ANKRD54: variants seen among roughly 807,000 people sequenced by gnomAD.
ANKRD54 encodes ankyrin repeat domain-containing protein 54.
A neutral mutation model predicts 36.2 loss-of-function variants in ANKRD54; 26 were observed. The ratio of observed to expected loss-of-function variants is 0.72; its 90% CI spans 0.53 to 1.00. The LOEUF is 1.00. Ranked by LOEUF, ANKRD54 falls within the 50% of genes least tolerant of loss-of-function variation. The probability of loss-of-function intolerance (pLI) is 0.00; values close to 1 mark genes in which losing one functional copy is unlikely to be tolerated. For synonymous variants in ANKRD54, 209 were observed against 188.4 expected, an observed-to-expected ratio of 1.11 and a Z score of -0.89; for missense variants, 384 against 424.3, an observed-to-expected ratio of 0.91 and a Z score of 0.83.
At chr22:37,846,657 G>A (rs1329909197), upstream of ANKRD54, among the ~76,000 whole-genome samples, 1 of 151,810 alleles carries the variant, frequency 6.6e-6, no homozygotes, top group Non-Finnish European at 1.5e-5. Flanking sequence ...CTGATCTTGA[G>A]CTCCTGAGCT....
upstream of ANKRD54, among the ~76,000 whole-genome samples, chr22:37,847,060 A>G (rs1924877365): frequency 6.7e-6 from 1 of 148,840 alleles, no homozygotes; most frequent in African/African-American, 2.5e-5. Context: ...TCACCATTTT[A>G]GCCGGGATGG....
At chr22:37,837,602 G>A (rs1460971851) in intron 3 of ANKRD54, among the ~76,000 whole-genome samples, 1 of 152,220 alleles carries the variant, frequency 6.6e-6, no homozygotes, top group Non-Finnish European at 1.5e-5. Flanking sequence ...TGGTATCTGA[G>A]TGGGGTCCTG....
Position 37,838,580 on chromosome 22 carries a change from T to C in ANKRD54, c.395A>G (p.Asp132Gly). Reference sequence around the variant, plus strand: ...ATCAGCTGCACAGGGATCCGCGCCATCTTCCAGCAGCTGCTGCACTGACAC... The same window carrying C: ...ATCAGCTGCACAGGGATCCGCGCCACCTTCCAGCAGCTGCTGCACTGACAC... ...DVETVQQLLEDGADPCAADDK... is the reference protein window; with the variant it reads ...DVETVQQLLEGGADPCAADDK... The change falls in exon 3 of 8, where the codon GAT becomes GGT. Residue 132 changes from aspartate (D) to glycine (G), a missense_variant. This residue lies in a region of ANKRD54 where 179 missense variants were observed against 224.0 expected (regional missense o/e 0.80). Coordinates refer to ENST00000215941, the MANE Select transcript of ANKRD54 (RefSeq NM_138797.4). 6.2e-7 allele frequency: 1 copy of C among 1,610,722 alleles called. No homozygotes were observed. Among genetic ancestry groups the C allele is most frequent in the Non-Finnish European group, 8.5e-7 (1 of 1,179,062 alleles).
chr22:37,846,903 G>C (rs1924869326), upstream of ANKRD54, among the ~76,000 whole-genome samples: 1 of 147,202 alleles, frequency 6.8e-6, no homozygotes. Context: ...GCCCAGGCTG[G>C]AGTGCAGTGG....
Position 37,832,984 on chromosome 22 carries a change from C to G in ANKRD54, c.694G>C (p.Glu232Gln). ...ILQEGHAQCL[E>Q]AVRLEVKQII... ...TGCTTCACCTCCAGACGCACAGCCTCTAGGCACTGGGCATGGCCCTCCTGC... is the reference window on the plus strand; with the variant it reads ...TGCTTCACCTCCAGACGCACAGCCTGTAGGCACTGGGCATGGCCCTCCTGC... The change falls in exon 6 of 8, where the codon GAG becomes CAG. Residue 232 changes from glutamate (E) to glutamine (Q), a missense_variant. Physicochemically the swap from Glu to Gln is conservative, Grantham distance 29. Transcript: ENST00000215941. The G allele has an allele frequency of 1.2e-6, 2 of 1,614,022 alleles. No individual in the cohort carries two copies. Among genetic ancestry groups the G allele is most frequent in the Non-Finnish European group, 1.7e-6 (2 of 1,180,026 alleles).
At chr22:37,849,116 AG>A (rs1452728604), upstream of ANKRD54, 26 of 438,484 alleles carry the variant, frequency 5.9e-5, no homozygotes, top group Middle Eastern at 1.2e-3. Context: ...CCTCCCGAGT[AG>A]CTGGAATTAC....
chr22:37,833,272 G>A (rs1923126736), intron 4 of ANKRD54, 66 bp from the exon 5 acceptor site: 1 of 1,585,948 alleles, frequency 6.3e-7, no homozygotes, highest in Non-Finnish European at 8.6e-7. Flanking sequence ...GTGGCCACTG[G>A]AGGGAGCAGG....
Position 37,844,067 on chromosome 22 carries a change from A to G in ANKRD54, c.172T>C (p.Ser58Pro). ...GGGAGLSGRA[S>P]GGAQSPLRYL... is the part of the protein sequence containing the mutation. The stretch of plus-strand genomic sequence containing the variant: ...CGCAGCGGCGACTGGGCCCCGCCGG[A>G]CGCCCGGCCCGAGAGGCCCGCGCCG... Residue 58 changes from serine to proline, a missense_variant, in exon 1 of 8, where the codon TCC (serine) becomes CCC (proline). This residue lies in a region of ANKRD54 where 195 missense variants were observed against 177.7 expected (regional missense o/e 1.10). Coordinates refer to ENST00000215941, the MANE Select transcript of ANKRD54 (RefSeq NM_138797.4). The G allele has an allele frequency of 7.0e-7, 1 of 1,434,652 alleles. No homozygotes were observed. Among genetic ancestry groups the G allele is most frequent in the Non-Finnish European group, 9.1e-7 (1 of 1,102,254 alleles). The allele number at this position is 1,434,652 out of a possible 1,614,324, so 88.9% of individuals were successfully genotyped here. A position where few individuals can be genotyped will look rare whatever the true frequency, so the allele number is the denominator to read the frequency against.
At chr22:37,834,288 A>G (rs1280752757) in intron 3 of ANKRD54, 1 of 153,388 alleles carries the variant, frequency 6.5e-6, no homozygotes, top group Non-Finnish European at 1.5e-5. Flanking sequence ...TACAAAAACT[A>G]ATTCAAGAGG....
At chr22:37,837,301 C>A (rs1436298545) in intron 3 of ANKRD54, among the ~76,000 whole-genome samples, 3 of 152,102 alleles carry the variant, frequency 2.0e-5, no homozygotes, top group Non-Finnish European at 1.5e-5. Flanking sequence ...CAATGCCATT[C>A]CTAGGTTTAT....
upstream of ANKRD54, among the ~76,000 whole-genome samples, chr22:37,844,683 C>T (rs1213685598): frequency 6.6e-6 from 1 of 152,124 alleles, no homozygotes; most frequent in Non-Finnish European, 1.5e-5. Context: ...AATTCTCCTG[C>T]CTCAGCCTCC....
At position 37,844,268 on chromosome 22, in the gene ANKRD54, T is replaced by C. The variant is rs772796065; in HGVS notation, c.-30A>G. 1 of 1,541,490 alleles carries C rather than the reference T, an allele frequency of 6.5e-7. No individual in the cohort carries two copies. Among genetic ancestry groups the C allele is most frequent in the Non-Finnish European group, 8.7e-7 (1 of 1,151,944 alleles). ...ACGGCTCCGCGCGGGCCTGGCCGCC[T>C]GAGCCTCGTTCCCGACCGACCAACG... On this transcript the variant is annotated 5_prime_UTR_variant, in exon 1 of 8. Transcript: ENST00000215941.
upstream of ANKRD54, among the ~76,000 whole-genome samples, chr22:37,846,922 C>T (rs567639956): frequency 0.01 from 1,504 of 145,726 alleles, 29 homozygotes; most frequent in African/African-American, 0.037. Context: ...GGCAGGATCT[C>T]GGCTCACTGC....
chr22:37,839,516 T>A (rs773724504), intron 2 of ANKRD54, among the ~76,000 whole-genome samples: 1 of 152,138 alleles, frequency 6.6e-6, no homozygotes, highest in Non-Finnish European at 1.5e-5. Flanking sequence ...GCCTCCCAAG[T>A]AGCTGGCACT....
Position 37,841,996 on chromosome 22 carries a change from C to T in ANKRD54, c.329-1762G>A, listed in dbSNP as rs920628618. On this transcript the variant is annotated intron_variant, in intron 1 of 7. Coordinates refer to ENST00000215941, the MANE Select transcript of ANKRD54 (RefSeq NM_138797.4). ...CGAGAATCACTTGAGCCCAAAATCA[C>T]ACCATGGCACTCCAGCCTGGGTGGC... Among the ~76,000 whole-genome samples the T allele has an allele frequency of 2.0e-5, 3 of 151,858 alleles. No homozygotes were observed. The East Asian group carries it at 5.8e-4, about 29-fold the overall frequency.
rs1922822352 is a variant in ANKRD54 at position 37,831,084 on chromosome 22, C to G, written c.*859G>C. On this transcript the variant is annotated 3_prime_UTR_variant, in exon 8 of 8. Transcript: ENST00000215941. ...CACCTCCAACCTCCTCTCCCGTCAC[C>G]TGCTCTTCTGTTATACAGACCCGGG... 6.6e-6 allele frequency: 1 copy of G among 152,312 alleles called. No individual in the cohort carries two copies. The highest frequency in any genetic ancestry group is 1.5e-5 in the Non-Finnish European group (1 of 68,130). 9.4% of individuals were successfully genotyped at this position (152,312 alleles called of 1,614,324 possible).
chr22:37,847,614 T>TA (rs1269805538), upstream of ANKRD54: 3 of 477,312 alleles, frequency 6.3e-6, no homozygotes, highest in African/African-American at 4.1e-5. Flanking sequence ...TTCTCACTGT[T>TA]ACAATTTTTG....
rs780695083 is a variant in ANKRD54, at chr22:37,832,634, C to T, written c.828+3G>A. ...TGGGTCTGGGCCTGTGGCTGCAGCT[C>T]ACCTGCTCTTTGGTACTGGTCATCT... On this transcript the variant is annotated splice_donor_region_variant and intron_variant, in intron 7 of 7. Coordinates refer to ENST00000215941, the MANE Select transcript of ANKRD54 (RefSeq NM_138797.4). 1.5e-5 allele frequency: 24 copies of T among 1,613,804 alleles called. No homozygotes were observed. In the South Asian group the frequency reaches 2.6e-4, roughly 18 times the overall value.
intron 1 of ANKRD54, 121 bp from the exon 2 acceptor site, chr22:37,840,355 G>C: frequency 9.7e-7 from 1 of 1,029,502 alleles, no homozygotes. Context: ...TCAGGAGATC[G>C]AGACCATCCT....
Sources: allele counts gnomAD v4.1 joint callset (sites outside exome capture counted in the v4.1 genomes callset), GRCh38; gene constraint gnomAD v4.1.1; regional missense constraint gnomAD v4.1.1; transcripts MANE v1.5; gene names NCBI Gene and HGNC (gene_info 2026-07-23, HGNC 2026-07-21).